The following PTCHD4 variants were observed in gnomAD, a reference collection of about 807,000 sequenced individuals.
The protein encoded by PTCHD4 is patched domain-containing protein 4.
PTCHD4 carries 33 observed loss-of-function variants against 58.1 expected under a neutral mutation model. That is an observed-to-expected ratio of 0.57 (90% CI 0.43 to 0.76). The LOEUF (loss-of-function observed/expected upper bound fraction) is 0.76. PTCHD4 is among the 30% of genes least tolerant of loss of function. The pLI is 0.00. For missense variants in PTCHD4, 1,058 were observed against 1,027.1 expected, an observed-to-expected ratio of 1.03 and a Z score of -0.41; for synonymous variants, 478 against 409.6, an observed-to-expected ratio of 1.17 and a Z score of -2.02.
rs72866387 is a variant in PTCHD4 at position 47,863,405 on chromosome 6, C to T, written c.*14898G>A. 0.058 allele frequency among the ~76,000 whole-genome samples: 8,808 copies of T among 151,870 alleles called. 335 individuals are homozygous for T. The highest frequency in any genetic ancestry group is 0.082 in the Non-Finnish European group (5,562 of 67,848). ...ATCCCACATGAAAAATAGTACTTTA[C>T]TATTATTTGGCCTAATAATATAATA... On this transcript the variant is annotated 3_prime_UTR_variant, in exon 5 of 5. Coordinates refer to ENST00000339488, the MANE Select transcript of PTCHD4 (RefSeq NM_001384253.1).
At position 48,003,953 on chromosome 6, in the gene PTCHD4, TTTTA is replaced by T. The variant is rs529114773; in HGVS notation, c.898+4677_898+4680del. ...CTTCAATTTTACTCTTTAGAAAGGC[TTTTA>T]TCTGACCACTTATGTTCTTTATCCC... is the stretch of plus-strand genomic sequence containing the variant. On this transcript the variant is annotated intron_variant, in intron 4 of 4. Coordinates refer to ENST00000339488, the MANE Select transcript of PTCHD4 (RefSeq NM_001384253.1). Among the ~76,000 whole-genome samples the T allele has an allele frequency of 8.1e-3, 1,230 of 152,346 alleles. 18 individuals are homozygous for T. Among genetic ancestry groups the T allele is most frequent in the Non-Finnish European group, 9.9e-3 (671 of 68,024 alleles).
At chr6:48,095,404 T>C (rs1194515403) in intron 1 of PTCHD4, among the ~76,000 whole-genome samples, 1 of 152,042 alleles carries the variant, frequency 6.6e-6, no homozygotes, top group Non-Finnish European at 1.5e-5. Context: ...GAAATATAGG[T>C]CAGGCGCTGT....
At position 47,915,614 on chromosome 6, in the gene PTCHD4, G is replaced by A. The variant is rs1765219489; in HGVS notation, c.899-35678C>T. 2.7e-5 allele frequency among the ~76,000 whole-genome samples: 4 copies of A among 145,852 alleles called. No homozygotes were observed. The South Asian group carries it at 8.7e-4, about 32-fold the overall frequency. On this transcript the variant is annotated intron_variant, in intron 4 of 4. Transcript: ENST00000339488. ...ATGTTAGAAAACTGAAGCTGAAAAA[G>A]AGTGAAAACTAAAAGGCACACCTGG...
chr6:48,049,707 C>A (rs1321744066), intron 3 of PTCHD4, among the ~76,000 whole-genome samples: 8 of 152,042 alleles, frequency 5.3e-5, no homozygotes, highest in African/African-American at 1.9e-4. Context: ...GCCTTGTAGA[C>A]TCTCTGTATA....
intron 1 of PTCHD4, among the ~76,000 whole-genome samples, chr6:48,074,716 G>A (rs1247330237): frequency 1.3e-5 from 2 of 152,186 alleles, no homozygotes; most frequent in Non-Finnish European, 2.9e-5. Context: ...TTAGGAAGAA[G>A]CATGATAAGA....
intron 4 of PTCHD4, among the ~76,000 whole-genome samples, chr6:47,935,644 G>A (rs1218448137): frequency 6.6e-6 from 1 of 151,836 alleles, no homozygotes; most frequent in African/African-American, 2.4e-5. Context: ...TATCTGGTAT[G>A]CATTTAATTA....
At chr6:47,927,191 C>A (rs747248775) in intron 4 of PTCHD4, among the ~76,000 whole-genome samples, 3 of 152,140 alleles carry the variant, frequency 2.0e-5, no homozygotes, top group Non-Finnish European at 2.9e-5. Flanking sequence ...GCTTATGTGC[C>A]CTCTATCCCC....
intron 1 of PTCHD4, among the ~76,000 whole-genome samples, chr6:48,107,542 A>G (rs899055763): frequency 6.6e-6 from 1 of 151,830 alleles, no homozygotes. Flanking sequence ...AGGCATGGGC[A>G]AGGACTTCAT....
chr6:48,088,521 G>A (rs1296168538), intron 1 of PTCHD4, among the ~76,000 whole-genome samples: 1 of 152,124 alleles, frequency 6.6e-6, no homozygotes, highest in Non-Finnish European at 1.5e-5. Context: ...AAATTTGGAT[G>A]ATTGTGTAAA....
At chr6:48,030,625 A>C (rs937128650) in intron 3 of PTCHD4, among the ~76,000 whole-genome samples, 2 of 152,126 alleles carry the variant, frequency 1.3e-5, no homozygotes, top group Non-Finnish European at 2.9e-5. Flanking sequence ...CATTCACCAG[A>C]ATACCCAGTA....
At chr6:48,102,474 T>C (rs1765625258) in intron 1 of PTCHD4, among the ~76,000 whole-genome samples, 1 of 152,190 alleles carries the variant, frequency 6.6e-6, no homozygotes, top group Admixed American at 6.5e-5. Context: ...AAAACTATTC[T>C]TGAGGGTGGA....
At chr6:47,895,141 G>GA (rs11404768) in intron 4 of PTCHD4, among the ~76,000 whole-genome samples, 96,233 of 149,886 alleles carry the variant, frequency 0.64, 31,730 homozygotes, top group East Asian at 0.78. Context: ...TCTCAAAAAA[G>GA]AAAAAAAAAG....
rs145307929 is a variant in PTCHD4, at chr6:48,051,280, C to T, written c.417+16950G>A. On this transcript the variant is annotated intron_variant, in intron 3 of 4. Coordinates refer to ENST00000339488, the MANE Select transcript of PTCHD4 (RefSeq NM_001384253.1). ...GAATGTTTATTAAATCAGGTATTAC[C>T]CAAAACAAAAGTAGGAATTAAGTCT... 8.2e-3 allele frequency among the ~76,000 whole-genome samples: 1,238 copies of T among 151,872 alleles called. 19 individuals are homozygous for T. The highest frequency in any genetic ancestry group is 0.027 in the African/African-American group (1,105 of 41,468).
intron 3 of PTCHD4, among the ~76,000 whole-genome samples, chr6:48,026,312 GTCAACTGAAGCCTT>G (rs1447833086): frequency 6.6e-6 from 1 of 152,146 alleles, no homozygotes; most frequent in Non-Finnish European, 1.5e-5. Flanking sequence ...GAACTTCTTA[GTCAACTGAAGCCTT>G]TCATCTCAAA....
At chr6:48,105,268 C>T (rs1005613326) in intron 1 of PTCHD4, among the ~76,000 whole-genome samples, 3 of 152,176 alleles carry the variant, frequency 2.0e-5, no homozygotes, top group African/African-American at 7.2e-5. Context: ...GACCACAGTG[C>T]AATCAAACTA....
chr6:48,083,329 T>G, intron 1 of PTCHD4, among the ~76,000 whole-genome samples: 1 of 152,006 alleles, frequency 6.6e-6, no homozygotes, highest in East Asian at 1.9e-4. Flanking sequence ...CAGATAGTAA[T>G]AGTAGAGTAT....
chr6:47,955,971 A>G (rs1766842658), intron 4 of PTCHD4, among the ~76,000 whole-genome samples: 1 of 152,202 alleles, frequency 6.6e-6, no homozygotes. Context: ...TGAATATATA[A>G]ATGAAGTTTT....
intron 1 of PTCHD4, among the ~76,000 whole-genome samples, chr6:48,098,303 T>C (rs1220694924): frequency 7.3e-6 from 1 of 136,626 alleles, no homozygotes; most frequent in Non-Finnish European, 1.6e-5. Context: ...GAAAAGTAAC[T>C]GGAATTTCTT....
intron 4 of PTCHD4, among the ~76,000 whole-genome samples, chr6:47,957,045 TC>T (rs1204791307): frequency 6.6e-6 from 1 of 151,420 alleles, no homozygotes; most frequent in Non-Finnish European, 1.5e-5. Flanking sequence ...GTGCCTGTAA[TC>T]CCAGTTACTC....
Sources: allele counts gnomAD v4.1 joint callset (sites outside exome capture counted in the v4.1 genomes callset), GRCh38; gene constraint gnomAD v4.1.1; transcripts MANE v1.5; gene names NCBI Gene and HGNC (gene_info 2026-07-23, HGNC 2026-07-21).